The following EXOC4 variants were observed in gnomAD, a reference collection of about 807,000 sequenced individuals.
EXOC4 encodes exocyst complex component 4, also known as SEC8-like 1.
A neutral mutation model predicts 107.2 loss-of-function variants in EXOC4; 71 were observed. The observed-to-expected ratio is 0.66, with a 90% confidence interval of 0.55 to 0.81. The LOEUF is 0.81. Ranked by LOEUF, EXOC4 falls within the 30% of genes least tolerant of loss-of-function variation. EXOC4 has a pLI of 0.00. For synonymous variants in EXOC4, 456 were observed against 441.2 expected (o/e 1.03, Z -0.42); for missense variants, 1,108 against 1,189.6 (o/e 0.93, Z 1.01).
At chr7:133,578,999 T>A (rs753916908) in intron 9 of EXOC4, among the ~76,000 whole-genome samples, 1 of 152,146 alleles carries the variant, frequency 6.6e-6, no homozygotes, top group Non-Finnish European at 1.5e-5. Flanking sequence ...ATTACATAAA[T>A]AATGAATGGA....
intron 7 of EXOC4, among the ~76,000 whole-genome samples, chr7:133,389,877 A>G (rs1219674994): frequency 6.8e-6 from 1 of 147,526 alleles, no homozygotes; most frequent in Non-Finnish European, 1.5e-5. Context: ...GTCACATCTT[A>G]CATGGATGGC....
chr7:133,696,661 T>A (rs1166895525), intron 10 of EXOC4, among the ~76,000 whole-genome samples: 1 of 152,238 alleles, frequency 6.6e-6, no homozygotes, highest in Non-Finnish European at 1.5e-5. Context: ...TTGTTGTTGT[T>A]GATATTGACA....
At chr7:133,642,006 C>T (rs912494611) in intron 10 of EXOC4, among the ~76,000 whole-genome samples, 1 of 152,114 alleles carries the variant, frequency 6.6e-6, no homozygotes, top group Admixed American at 6.5e-5. Context: ...GCTTTATAAG[C>T]CTCAACTCAT....
chr7:133,625,497 TTC>T (rs760803791), intron 9 of EXOC4, among the ~76,000 whole-genome samples: 1 of 152,218 alleles, frequency 6.6e-6, no homozygotes, highest in African/African-American at 2.4e-5. Context: ...TTCTATTTCT[TTC>T]TGAGGCTTTG....
chr7:133,397,766 C>A (rs970065151), intron 7 of EXOC4, among the ~76,000 whole-genome samples: 4 of 152,060 alleles, frequency 2.6e-5, no homozygotes, highest in Non-Finnish European at 5.9e-5. Flanking sequence ...TTTATTCTCT[C>A]CATTAATAAC....
intron 11 of EXOC4, among the ~76,000 whole-genome samples, chr7:133,841,415 C>G (rs965559883): frequency 2.0e-5 from 3 of 152,106 alleles, no homozygotes; most frequent in African/African-American, 7.2e-5. Flanking sequence ...TACCATGGTT[C>G]CCAGGTTTTT....
chr7:133,404,447 T>G (rs1032196311), intron 7 of EXOC4, among the ~76,000 whole-genome samples: 1 of 152,038 alleles, frequency 6.6e-6, no homozygotes, highest in African/African-American at 2.4e-5. Flanking sequence ...TTCCTTGACA[T>G]GGCACACAAG....
chr7:133,796,870 C>T (rs967032676), intron 10 of EXOC4, among the ~76,000 whole-genome samples: 3 of 152,156 alleles, frequency 2.0e-5, no homozygotes, highest in African/African-American at 7.2e-5. Context: ...ATTATTCAGT[C>T]GGAGGGTAAT....
At chr7:133,925,980 A>T (rs1400430236) in intron 13 of EXOC4, among the ~76,000 whole-genome samples, 1 of 148,750 alleles carries the variant, frequency 6.7e-6, no homozygotes. Context: ...CGGAAGTTGC[A>T]GTGAGCCGAG....
chr7:133,849,984 T>C (rs1341512827), intron 11 of EXOC4, among the ~76,000 whole-genome samples: 1 of 152,230 alleles, frequency 6.6e-6, no homozygotes, highest in South Asian at 2.1e-4. Flanking sequence ...CAAGTAAGTG[T>C]ATCTGAGTTA....
In EXOC4 at chr7:133,610,604, A is replaced by T. The variant is rs184029212; in HGVS notation, c.1418-19441A>T. ...ACACCTCCATTTCTCTCACCTAAACATTCCCCATTTCTTCCACTTTTTTTT... is the reference window on the plus strand; with the variant it reads ...ACACCTCCATTTCTCTCACCTAAACTTTCCCCATTTCTTCCACTTTTTTTT... On this transcript the variant is annotated intron_variant, in intron 9 of 17. Coordinates refer to ENST00000253861, the MANE Select transcript of EXOC4 (RefSeq NM_021807.4). 2.0e-5 allele frequency among the ~76,000 whole-genome samples: 3 copies of T among 151,894 alleles called. No individual in the cohort carries two copies. In the East Asian group the frequency reaches 5.8e-4, roughly 29 times the overall value.
At position 133,319,838 on chromosome 7, in the gene EXOC4, C is replaced by CTTTTTT. The variant is rs35274622; in HGVS notation, c.763+2464_763+2469dup. Among the ~76,000 whole-genome samples the CTTTTTT allele has an allele frequency of 5.1e-4, 48 of 94,616 alleles. 1 individual carries two copies. The highest frequency in any genetic ancestry group is 1.4e-3 in the African/African-American group (32 of 23,286). The allele number at this position is 94,616 out of a possible 152,430, so 62.1% of individuals were successfully genotyped here. On this transcript the variant is annotated intron_variant, in intron 5 of 17. Coordinates refer to ENST00000253861, the MANE Select transcript of EXOC4 (RefSeq NM_021807.4). ...ACTATTTTGAAGACTTGATCGTGTG[C>CTTTTTT]TTTTTTTTTTTTTTTTTTTTTGTGC...
chr7:133,463,168 T>A (rs1161954870), intron 7 of EXOC4, among the ~76,000 whole-genome samples: 1 of 152,060 alleles, frequency 6.6e-6, no homozygotes, highest in East Asian at 1.9e-4. Context: ...ACATGAAGTG[T>A]GTAGTATTAA....
chr7:133,811,699 CAG>C (rs1797234174), intron 10 of EXOC4, among the ~76,000 whole-genome samples: 1 of 152,100 alleles, frequency 6.6e-6, no homozygotes, highest in Non-Finnish European at 1.5e-5. Flanking sequence ...AAATATAAAA[CAG>C]TGTGGGATGT....
chr7:133,463,500 G>A (rs950079973), intron 7 of EXOC4, among the ~76,000 whole-genome samples: 12 of 152,180 alleles, frequency 7.9e-5, no homozygotes, highest in Non-Finnish European at 1.5e-4. Flanking sequence ...ATGTAAGAGG[G>A]ATAATTGGGA....
chr7:133,774,264 A>G (rs112412432), intron 10 of EXOC4, among the ~76,000 whole-genome samples: 7 of 152,164 alleles, frequency 4.6e-5, no homozygotes, highest in South Asian at 2.1e-4. Context: ...CCAGTTCCAT[A>G]TGTTACTATA....
intron 10 of EXOC4, 80 bp from the exon 11 acceptor site, chr7:133,817,245 G>C (rs1797393495): frequency 2.1e-6 from 2 of 946,502 alleles, no homozygotes; most frequent in African/African-American, 1.6e-5. Context: ...GCCAACACTA[G>C]ATATACTCAT....
intron 10 of EXOC4, among the ~76,000 whole-genome samples, chr7:133,655,202 A>T (rs1803261571): frequency 6.7e-6 from 1 of 149,392 alleles, no homozygotes; most frequent in African/African-American, 2.5e-5. Flanking sequence ...ACTTTATTTT[A>T]AAAATTTTGT....
At chr7:133,470,097 G>A (rs1297888190) in intron 7 of EXOC4, among the ~76,000 whole-genome samples, 4 of 152,152 alleles carry the variant, frequency 2.6e-5, no homozygotes, top group Admixed American at 1.3e-4. Flanking sequence ...GGTTTTGTAA[G>A]CTGAAAAGTT....
Sources: allele counts gnomAD v4.1 joint callset (sites outside exome capture counted in the v4.1 genomes callset), GRCh38; gene constraint gnomAD v4.1.1; transcripts MANE v1.5; gene names NCBI Gene and HGNC (gene_info 2026-07-23, HGNC 2026-07-21).